KIF13B: variants seen among roughly 807,000 people sequenced by gnomAD.
KIF13B encodes kinesin family member 13B.
KIF13B carries 127 observed loss-of-function variants against 222.0 expected under a neutral mutation model. The observed-to-expected ratio is 0.57, with a 90% CI of 0.50 to 0.66. KIF13B has a LOEUF of 0.66. Ranked by LOEUF, KIF13B falls within the 30% of genes least tolerant of loss-of-function variation. KIF13B has a pLI of 0.00. For missense variants in KIF13B, 2,173 were observed against 2,379.0 expected (o/e 0.91, Z 1.80); for synonymous variants, 976 against 919.0 (o/e 1.06, Z -1.12).
Position 29,099,135 on chromosome 8 carries a change from G to A in KIF13B, c.4322C>T (p.Pro1441Leu). Residue 1441 changes from proline to leucine, a missense_variant and splice_region_variant, in exon 36 of 40, where the codon CCA becomes CTA. By Grantham distance (98) the Pro-to-Leu change is moderately conservative. Transcript: ENST00000524189. ...VSPQNNHSPD[P>L]GLSNLAASYL... is the part of the protein sequence containing the mutation. ...TGACAAGTGAAAAGATAACTTACCT[G>A]GATCTGGAGAATGGTTATTTTGGGG... is the stretch of plus-strand genomic sequence containing the variant. The A allele has an allele frequency of 2.5e-6, 4 of 1,603,534 alleles. No homozygotes were observed. Among genetic ancestry groups the A allele is most frequent in the East Asian group, 4.5e-5 (2 of 44,820 alleles).
chr8:29,231,440 G>A (rs1165437087), intron 2 of KIF13B, among the ~76,000 whole-genome samples: 1 of 152,244 alleles, frequency 6.6e-6, no homozygotes, highest in East Asian at 1.9e-4. Flanking sequence ...GAAGAGGGCA[G>A]GTGGCAAGTG....
rs780353342 is a variant in KIF13B at position 29,146,367 on chromosome 8, G to A, written c.2187+11C>T. On this transcript the variant is annotated intron_variant, in intron 18 of 39. Coordinates refer to ENST00000524189, the MANE Select transcript of KIF13B (RefSeq NM_015254.4). ...GAGATCTTTGTTTTTTTCAAGGAAC[G>A]GCAACCTCACCTTCCTGTTGGCATC... 25 of 1,613,312 alleles carry A rather than the reference G, an allele frequency of 1.5e-5. No individual in the cohort carries two copies. The highest frequency in any genetic ancestry group is 1.6e-4 in the Middle Eastern group (1 of 6,082).
intron 36 of KIF13B, among the ~76,000 whole-genome samples, chr8:29,096,767 T>C (rs760680205): frequency 6.6e-5 from 10 of 151,938 alleles, no homozygotes. Context: ...CTCTAAGCGA[T>C]TTGATAAGTT....
chr8:29,086,789 TG>T (rs1412195117), intron 37 of KIF13B, among the ~76,000 whole-genome samples: 3 of 152,230 alleles, frequency 2.0e-5, no homozygotes, highest in Non-Finnish European at 2.9e-5. Flanking sequence ...GGCATATGAA[TG>T]GGCCTGTATT....
chr8:29,229,899 C>A (rs1405070235), intron 2 of KIF13B, among the ~76,000 whole-genome samples: 1 of 152,050 alleles, frequency 6.6e-6, no homozygotes, highest in Non-Finnish European at 1.5e-5. Flanking sequence ...CATGTCTAAC[C>A]CAGTTAATAT....
chr8:29,071,580 C>T lies in KIF13B; in HGVS notation c.5218+40G>A. On this transcript the variant is annotated intron_variant, in intron 39 of 39. Coordinates refer to ENST00000524189, the MANE Select transcript of KIF13B (RefSeq NM_015254.4). The surrounding 1 kb of genome is among the most constrained non-coding windows in gnomAD (Gnocchi z 4.9). ...CGGCCACGTTCCTGCTTCCCCAGACCCCCGGCACCACCCTGGAGCCCGGAG... is the reference window on the plus strand; with the variant it reads ...CGGCCACGTTCCTGCTTCCCCAGACTCCCGGCACCACCCTGGAGCCCGGAG... 1 of 1,512,740 alleles carries T rather than the reference C, an allele frequency of 6.6e-7. No individual in the cohort carries two copies. 93.7% of individuals were successfully genotyped at this position (1,512,740 alleles called of 1,614,324 possible).
intron 18 of KIF13B, among the ~76,000 whole-genome samples, chr8:29,142,929 T>C (rs527361812): frequency 4.7e-4 from 71 of 152,244 alleles, no homozygotes; most frequent in African/African-American, 1.6e-3. Flanking sequence ...CATAGCTCAC[T>C]GCAGCCTCGA....
rs1340647020 is a variant in KIF13B, at chr8:29,123,387, A to G, written c.3458T>C (p.Ile1153Thr). Residue 1153 changes from isoleucine (I) to threonine (T), a missense_variant, in exon 28 of 40, where the codon ATT (isoleucine) becomes ACT (threonine). Ile to Thr is a moderately conservative substitution (Grantham distance 89). Transcript: ENST00000524189. ...AVMVPSAGSG[I>T]PGAPAEWTPV... ...ATACCATTCTGCTGGGGCCCCTGGA[A>G]TACCACTGCCAGCAGAGGGGACCAT... The G allele has an allele frequency of 3.7e-6, 6 of 1,614,014 alleles. No homozygotes were observed.
rs1442279282 is a variant in KIF13B at position 29,147,494 on chromosome 8, C to T, written c.1922G>A (p.Arg641Gln). ...LMYEHELEQL[R>Q]RRLSPEKQNC... ...CTGCTTCTCAGGAGACAGCCTTCTC[C>T]GGAGCTGCTCCAATTCGTGCTCATA... The change falls in exon 17 of 40, where the codon CGG becomes CAG. Residue 641 changes from arginine to glutamine, a missense_variant. Arg to Gln is a conservative substitution (Grantham distance 43). Coordinates refer to ENST00000524189, the MANE Select transcript of KIF13B (RefSeq NM_015254.4). The T allele has an allele frequency of 7.4e-6, 12 of 1,613,476 alleles. No individual in the cohort carries two copies. The highest frequency in any genetic ancestry group is 1.3e-5 in the African/African-American group (1 of 74,934).
chr8:29,200,751 TTGTC>T (rs1242137593), intron 2 of KIF13B, among the ~76,000 whole-genome samples: 1 of 152,208 alleles, frequency 6.6e-6, no homozygotes, highest in Non-Finnish European at 1.5e-5. Flanking sequence ...CTGGGGCACT[TTGTC>T]TGTCATGACC....
In KIF13B at chr8:29,104,045, A is replaced by G. The variant is rs76241166; in HGVS notation, c.4215+4094T>C. Reference sequence around the variant, plus strand: ...GAAGCATGTGGATGGAGTCCTTCCTAAAACACTCCTCCCCTGGACTTCTGA... The same window carrying G: ...GAAGCATGTGGATGGAGTCCTTCCTGAAACACTCCTCCCCTGGACTTCTGA... On this transcript the variant is annotated intron_variant, in intron 35 of 39. Transcript: ENST00000524189. 9.1e-4 allele frequency among the ~76,000 whole-genome samples: 138 copies of G among 152,090 alleles called. 1 individual carries two copies. In the East Asian group the frequency reaches 0.025, roughly 27 times the overall value.
At position 29,134,229 on chromosome 8, in the gene KIF13B, T is replaced by C. The variant is rs1380140957; in HGVS notation, c.2614-19A>G. The C allele has an allele frequency of 1.9e-6, 3 of 1,609,706 alleles. No homozygotes were observed. In the African/African-American group the frequency reaches 4.0e-5, roughly 22 times the overall value. ...TTTTAACCTGAAGGAAAAAGAAGGCTCTGTGTTTTGAAATCTGAGGGTTCC... is the reference window on the plus strand; with the variant it reads ...TTTTAACCTGAAGGAAAAAGAAGGCCCTGTGTTTTGAAATCTGAGGGTTCC... On this transcript the variant is annotated intron_variant, in intron 21 of 39. Coordinates refer to ENST00000524189, the MANE Select transcript of KIF13B (RefSeq NM_015254.4).
intron 1 of KIF13B, among the ~76,000 whole-genome samples, chr8:29,249,165 T>C (rs1332998762): frequency 6.6e-6 from 1 of 152,294 alleles, no homozygotes; most frequent in Non-Finnish European, 1.5e-5. Context: ...CAGTGGCTCA[T>C]GCCTGTAATC....
intron 37 of KIF13B, among the ~76,000 whole-genome samples, chr8:29,085,873 G>C (rs76723702): frequency 1.8e-5 from 2 of 110,642 alleles, no homozygotes; most frequent in Non-Finnish European, 3.6e-5. Context: ...AAAAAAAAAA[G>C]AGTACCTTGC....
intron 10 of KIF13B, among the ~76,000 whole-genome samples, chr8:29,172,711 C>A (rs1352114291): frequency 6.6e-6 from 1 of 152,128 alleles, no homozygotes; most frequent in Non-Finnish European, 1.5e-5. Flanking sequence ...TAGTTCTGCA[C>A]CCTCTGTGTC....
intron 3 of KIF13B, among the ~76,000 whole-genome samples, chr8:29,194,665 T>C (rs1333851563): frequency 6.6e-6 from 1 of 152,220 alleles, no homozygotes; most frequent in Non-Finnish European, 1.5e-5. Flanking sequence ...TAAATTATTA[T>C]AGGTAACTTC....
At position 29,155,868 on chromosome 8, in the gene KIF13B, C is replaced by A. The variant is rs1352175889; in HGVS notation, c.1405-12G>T. ...ATCAATGTATGTTCCTAAGAAAAAACCAAATTCACTGATTAATACTGTATT... is the reference window on the plus strand; with the variant it reads ...ATCAATGTATGTTCCTAAGAAAAAAACAAATTCACTGATTAATACTGTATT... On this transcript the variant is annotated splice_polypyrimidine_tract_variant and intron_variant, in intron 13 of 39. Transcript: ENST00000524189. The A allele has an allele frequency of 8.4e-6, 13 of 1,547,560 alleles. No individual in the cohort carries two copies. The South Asian group carries it at 9.4e-5, about 11-fold the overall frequency.
intron 2 of KIF13B, among the ~76,000 whole-genome samples, chr8:29,205,843 G>C (rs1813905435): frequency 6.6e-6 from 1 of 152,072 alleles, no homozygotes; most frequent in African/African-American, 2.4e-5. Flanking sequence ...AACACTCTGG[G>C]AGGCTGAGGC....
chr8:29,177,272 G>A (rs1421407527), intron 9 of KIF13B, among the ~76,000 whole-genome samples, 194 bp downstream of exon 9: 1 of 152,002 alleles, frequency 6.6e-6, no homozygotes, highest in Non-Finnish European at 1.5e-5. Context: ...GGCCACTGCT[G>A]AGAAACTCTG....
Sources: allele counts gnomAD v4.1 joint callset (sites outside exome capture counted in the v4.1 genomes callset), GRCh38; gene constraint gnomAD v4.1.1; non-coding constraint Gnocchi (gnomAD v3.1); transcripts MANE v1.5; gene names NCBI Gene and HGNC (gene_info 2026-07-23, HGNC 2026-07-21).